Variants in MC1R observed in about 807,000 individuals in gnomAD.
MC1R encodes the protein melanocortin 1 receptor.
For missense variants in MC1R, 542 were observed against 430.0 expected (o/e 1.26, Z -2.30); for synonymous variants, 263 against 203.8 (o/e 1.29, Z -2.47).
At position 89,919,038 on chromosome 16, in the gene MC1R, C is replaced by CT; in HGVS notation, c.-221_-220insT. The CT allele has an allele frequency of 3.6e-6, 2 of 562,130 alleles. No homozygotes were observed. The highest frequency in any genetic ancestry group is 3.2e-6 in the Non-Finnish European group (1 of 316,312). The allele number at this position is 562,130 out of a possible 1,614,324, so 34.8% of individuals were successfully genotyped here. ...AATCCCTGAGCCCAGGCGGTAGATG[C>CT]CAGGAGGTGTCTGGACTGGCTGGGC... On this transcript the variant is annotated 5_prime_UTR_variant, in exon 1 of 1. It removes the in-frame stop codon of an upstream open reading frame in the 5' UTR. Transcript: ENST00000555147.
rs750618617 is a variant in MC1R at position 89,919,684 on chromosome 16, C to G, written c.426C>G (p.Arg142=). ...TCCTGGGCGCCATCGCCGTGGACCGCTACATCTCCATCTTCTACGCACTGC... is the reference window on the plus strand; with the variant it reads ...TCCTGGGCGCCATCGCCGTGGACCGGTACATCTCCATCTTCTACGCACTGC... ...LCFLGAIAVD[R]YISIFYALRY... Residue 142 remains arginine (R), a synonymous_variant, in exon 1 of 1, where the codon CGC becomes CGG. Coordinates refer to ENST00000555147, the MANE Select transcript of MC1R (RefSeq NM_002386.4). 23 of 1,606,246 alleles carry G rather than the reference C, an allele frequency of 1.4e-5. No individual in the cohort carries two copies. Among genetic ancestry groups the G allele is most frequent in the Non-Finnish European group, 1.9e-5 (22 of 1,179,570 alleles).
In MC1R at chr16:89,919,163, C is replaced by T. The variant is rs1389431104; in HGVS notation, c.-96C>T. 3.4e-6 allele frequency: 3 copies of T among 882,340 alleles called. No homozygotes were observed. Among genetic ancestry groups the T allele is most frequent in the African/African-American group, 3.4e-5 (2 of 58,876 alleles). 54.7% of individuals were successfully genotyped at this position (882,340 alleles called of 1,614,324 possible). On this transcript the variant is annotated 5_prime_UTR_variant, in exon 1 of 1. Transcript: ENST00000555147. ...AGGCATGGGGGACACCCAAGGCCCCCTGGCAGCACCATGAACTAAGCAGGA... is the reference window on the plus strand; with the variant it reads ...AGGCATGGGGGACACCCAAGGCCCCTTGGCAGCACCATGAACTAAGCAGGA...
Position 89,920,526 on chromosome 16 carries a change from C to T in MC1R, c.*314C>T. The T allele has an allele frequency of 8.0e-6, 5 of 626,730 alleles. No homozygotes were observed. The highest frequency in any genetic ancestry group is 7.9e-4 in the Middle Eastern group (2 of 2,538). The allele number at this position is 626,730 out of a possible 1,614,324, so 38.8% of individuals were successfully genotyped here. On this transcript the variant is annotated 3_prime_UTR_variant, in exon 1 of 1. Coordinates refer to ENST00000555147, the MANE Select transcript of MC1R (RefSeq NM_002386.4). The stretch of plus-strand genomic sequence containing the variant: ...CCTAAAGAGACATTTTCCGCCCACT[C>T]CTGGGACACTCCGTCTGCTCCAATG...
Position 89,919,847 on chromosome 16 carries a change from C to G in MC1R, c.589C>G (p.Leu197Val). 1 of 1,606,426 alleles carries G rather than the reference C, an allele frequency of 6.2e-7. No individual in the cohort carries two copies. ...AVLLCLVVFF[L>V]AMLVLMAVLY... ...CCTGCTGTGCCTCGTGGTCTTCTTCCTGGCTATGCTGGTGCTCATGGCCGT... is the reference window on the plus strand; with the variant it reads ...CCTGCTGTGCCTCGTGGTCTTCTTCGTGGCTATGCTGGTGCTCATGGCCGT... Residue 197 changes from leucine (L) to valine (V), a missense_variant, in exon 1 of 1, where the codon CTG becomes GTG. Coordinates refer to ENST00000555147, the MANE Select transcript of MC1R (RefSeq NM_002386.4).
In MC1R at chr16:89,919,945, C is replaced by T. The variant is rs372852841; in HGVS notation, c.687C>T (p.Arg229=). ...TCGCCCGGCTCCACAAGAGGCAGCGCCCGGTCCACCAGGGCTTTGGCCTTA... is the reference window on the plus strand; with the variant it reads ...TCGCCCGGCTCCACAAGAGGCAGCGTCCGGTCCACCAGGGCTTTGGCCTTA... The part of the protein sequence containing the change: ...QGIARLHKRQ[R]PVHQGFGLKG... Residue 229 remains arginine, a synonymous_variant, in exon 1 of 1, where the codon CGC becomes CGT. Transcript: ENST00000555147. 1.2e-5 allele frequency: 19 copies of T among 1,611,680 alleles called. No homozygotes were observed. In the Admixed American group the frequency reaches 3.2e-4, roughly 27 times the overall value.
Position 89,919,790 on chromosome 16 carries a change from CT to C in MC1R, c.533del (p.Leu178ProfsTer136), listed in dbSNP as rs2045699118. ...IWVASVVFST[L>X]FIAYYDHVAV... ...GGTGGCCAGTGTCGTCTTCAGCACG[CT>C]CTTCATCGCCTACTACGACCACGTG... On this transcript the variant is annotated frameshift_variant, in exon 1 of 1. Coordinates refer to ENST00000555147, the MANE Select transcript of MC1R (RefSeq NM_002386.4). LOFTEE classifies it low-confidence loss of function (END_TRUNC). 6.2e-7 allele frequency: 1 copy of C among 1,608,348 alleles called. No individual in the cohort carries two copies. Among genetic ancestry groups the C allele is most frequent in the South Asian group, 1.1e-5 (1 of 91,086 alleles).
rs751740657 is a variant in MC1R at position 89,919,787 on chromosome 16, A to G, written c.529A>G (p.Thr177Ala). Residue 177 changes from threonine to alanine, a missense_variant, in exon 1 of 1, where the codon ACG (threonine) becomes GCG (alanine). Coordinates refer to ENST00000555147, the MANE Select transcript of MC1R (RefSeq NM_002386.4). Reference protein sequence around the residue: ...AIWVASVVFSTLFIAYYDHVA... With the variant: ...AIWVASVVFSALFIAYYDHVA... The stretch of plus-strand genomic sequence containing the variant: ...CTGGGTGGCCAGTGTCGTCTTCAGC[A>G]CGCTCTTCATCGCCTACTACGACCA... 6.2e-7 allele frequency: 1 copy of G among 1,608,410 alleles called. No individual in the cohort carries two copies. The highest frequency in any genetic ancestry group is 8.5e-7 in the Non-Finnish European group (1 of 1,179,820).
rs35040147 is a variant in MC1R at position 89,919,755 on chromosome 16, C to A, written c.497C>A (p.Ala166Glu). Residue 166 changes from alanine (A) to glutamate (E), a missense_variant, in exon 1 of 1, where the codon GCG (alanine) becomes GAG (glutamate). Transcript: ENST00000555147. ...CTGCCGCGGGCGCGGCGAGCCGTTGCGGCCATCTGGGTGGCCAGTGTCGTC... is the reference window on the plus strand; with the variant it reads ...CTGCCGCGGGCGCGGCGAGCCGTTGAGGCCATCTGGGTGGCCAGTGTCGTC... Reference protein sequence around the residue: ...VTLPRARRAVAAIWVASVVFS... With the variant: ...VTLPRARRAVEAIWVASVVFS... 1.9e-6 allele frequency: 3 copies of A among 1,608,430 alleles called. No homozygotes were observed. The highest frequency in any genetic ancestry group is 2.5e-6 in the Non-Finnish European group (3 of 1,179,822).
Position 89,919,948 on chromosome 16 carries a change from G to A in MC1R, c.690G>A (p.Pro230=), listed in dbSNP as rs752526626. ...GIARLHKRQR[P]VHQGFGLKGA... is the part of the protein sequence containing the mutation. ...CCCGGCTCCACAAGAGGCAGCGCCC[G>A]GTCCACCAGGGCTTTGGCCTTAAAG... The change falls in exon 1 of 1, where the codon CCG becomes CCA. Residue 230 remains proline, a synonymous_variant. Coordinates refer to ENST00000555147, the MANE Select transcript of MC1R (RefSeq NM_002386.4). The A allele has an allele frequency of 4.5e-5, 73 of 1,611,660 alleles. No individual in the cohort carries two copies. The highest frequency in any genetic ancestry group is 5.9e-5 in the Non-Finnish European group (70 of 1,179,888).
rs776589029 is a variant in MC1R at position 89,920,497 on chromosome 16, G to T, written c.*285G>T. On this transcript the variant is annotated 3_prime_UTR_variant, in exon 1 of 1. Coordinates refer to ENST00000555147, the MANE Select transcript of MC1R (RefSeq NM_002386.4). ...CTCCGGGCACCAGGGGCCAACCTCAGGCTCCTAAAGAGACATTTTCCGCCC... is the reference window on the plus strand; with the variant it reads ...CTCCGGGCACCAGGGGCCAACCTCATGCTCCTAAAGAGACATTTTCCGCCC... 3.2e-5 allele frequency: 20 copies of T among 616,942 alleles called. No individual in the cohort carries two copies. The highest frequency in any genetic ancestry group is 5.6e-5 in the Non-Finnish European group (19 of 339,042). The allele number at this position is 616,942 out of a possible 1,614,324, so 38.2% of individuals were successfully genotyped here. A position where few individuals can be genotyped will look rare whatever the true frequency, so the allele number is the denominator to read the frequency against.
chr16:89,920,050 C>A lies in MC1R; in HGVS notation c.792C>A (p.Ile264=). Residue 264 remains isoleucine (I), a synonymous_variant, in exon 1 of 1, where the codon ATC becomes ATA. Coordinates refer to ENST00000555147, the MANE Select transcript of MC1R (RefSeq NM_002386.4). ...CCTTCTTCCTGCATCTCACACTCAT[C>A]GTCCTCTGCCCCGAGCACCCCACGT... ...WGPFFLHLTL[I]VLCPEHPTCG... The A allele has an allele frequency of 6.2e-7, 1 of 1,613,830 alleles. No homozygotes were observed. Among genetic ancestry groups the A allele is most frequent in the Non-Finnish European group, 8.5e-7 (1 of 1,179,894 alleles).
In MC1R at chr16:89,920,417, T is replaced by TC; in HGVS notation, c.*206dup. ...CCTGCAAAACTCCAGGCAGGACTTCTCACCAGCAGTCGTGGGGAACGGAGG... is the reference window on the plus strand; with the variant it reads ...CCTGCAAAACTCCAGGCAGGACTTCTCCACCAGCAGTCGTGGGGAACGGAGG... On this transcript the variant is annotated 3_prime_UTR_variant, in exon 1 of 1. Transcript: ENST00000555147. The TC allele has an allele frequency of 3.2e-6, 2 of 622,302 alleles. No homozygotes were observed. Among genetic ancestry groups the TC allele is most frequent in the East Asian group, 5.5e-5 (2 of 36,508 alleles). The allele number at this position is 622,302 out of a possible 1,614,324, so 38.5% of individuals were successfully genotyped here.
Position 89,920,205 on chromosome 16 carries a change from C to T in MC1R, c.947C>T (p.Ser316Phe). ...RRTLKEVLTC[S>F]W ...ACGCTCAAGGAGGTGCTGACATGCTCCTGGTGAGCGCGGTGCACGCGGCTT... is the reference window on the plus strand; with the variant it reads ...ACGCTCAAGGAGGTGCTGACATGCTTCTGGTGAGCGCGGTGCACGCGGCTT... Residue 316 changes from serine to phenylalanine, a missense_variant, in exon 1 of 1, where the codon TCC (serine) becomes TTC (phenylalanine). Ser to Phe is a radical substitution (Grantham distance 155, BLOSUM62 -2). Coordinates refer to ENST00000555147, the MANE Select transcript of MC1R (RefSeq NM_002386.4). 6.2e-7 allele frequency: 1 copy of T among 1,613,242 alleles called. No homozygotes were observed.
rs2045707252 is a variant in MC1R at position 89,920,160 on chromosome 16, A to G, written c.902A>G (p.His301Arg). Residue 301 changes from histidine (H) to arginine (R), a missense_variant, in exon 1 of 1, where the codon CAC (histidine) becomes CGC (arginine). His to Arg is a conservative substitution (Grantham distance 29, BLOSUM62 0). Coordinates refer to ENST00000555147, the MANE Select transcript of MC1R (RefSeq NM_002386.4). Reference sequence around the variant, plus strand: ...ATCGACCCCCTCATCTACGCCTTCCACAGCCAGGAGCTCCGCAGGACGCTC... The same window carrying G: ...ATCGACCCCCTCATCTACGCCTTCCGCAGCCAGGAGCTCCGCAGGACGCTC... The part of the protein sequence containing the change: ...AIIDPLIYAF[H>R]SQELRRTLKE... The G allele has an allele frequency of 6.2e-7, 1 of 1,613,950 alleles. No homozygotes were observed. The highest frequency in any genetic ancestry group is 8.5e-7 in the Non-Finnish European group (1 of 1,179,864).
chr16:89,920,051 G>A lies in MC1R; in HGVS notation c.793G>A (p.Val265Ile), dbSNP rs587783376. The change falls in exon 1 of 1, where the codon GTC becomes ATC. Residue 265 changes from valine to isoleucine, a missense_variant. By Grantham distance (29) the Val-to-Ile change is conservative (BLOSUM62 3). Transcript: ENST00000555147. ...GPFFLHLTLI[V>I]LCPEHPTCGC... is the part of the protein sequence containing the mutation. ...CTTCTTCCTGCATCTCACACTCATC[G>A]TCCTCTGCCCCGAGCACCCCACGTG... 85 of 1,613,686 alleles carry A rather than the reference G, an allele frequency of 5.3e-5. No individual in the cohort carries two copies. Among genetic ancestry groups the A allele is most frequent in the African/African-American group, 8.0e-5 (6 of 74,924 alleles).
At position 89,920,142 on chromosome 16, in the gene MC1R, C is replaced by T; in HGVS notation, c.884C>T (p.Pro295Leu). The change falls in exon 1 of 1, where the codon CCC becomes CTC. Residue 295 changes from proline to leucine, a missense_variant. Physicochemically the swap from Pro to Leu is moderately conservative, Grantham distance 98. Coordinates refer to ENST00000555147, the MANE Select transcript of MC1R (RefSeq NM_002386.4). Reference protein sequence around the residue: ...ALIICNAIIDPLIYAFHSQEL... With the variant: ...ALIICNAIIDLLIYAFHSQEL... ...ATCATCTGCAATGCCATCATCGACC[C>T]CCTCATCTACGCCTTCCACAGCCAG... The T allele has an allele frequency of 6.2e-7, 1 of 1,613,996 alleles. No homozygotes were observed. The highest frequency in any genetic ancestry group is 1.1e-5 in the South Asian group (1 of 91,086).
Position 89,920,131 on chromosome 16 carries a change from C to T in MC1R, c.873C>T (p.Ala291=), listed in dbSNP as rs754442823. 6 of 1,613,830 alleles carry T rather than the reference C, an allele frequency of 3.7e-6. No individual in the cohort carries two copies. The highest frequency in any genetic ancestry group is 1.3e-5 in the African/African-American group (1 of 74,908). ...TTCTCGCCCTCATCATCTGCAATGC[C>T]ATCATCGACCCCCTCATCTACGCCT... is the stretch of plus-strand genomic sequence containing the variant. The part of the protein sequence containing the change: ...NLFLALIICN[A]IIDPLIYAFH... The change falls in exon 1 of 1, where the codon GCC becomes GCT. Residue 291 remains alanine (A), a synonymous_variant. Coordinates refer to ENST00000555147, the MANE Select transcript of MC1R (RefSeq NM_002386.4).
chr16:89,920,421 C>T lies in MC1R; in HGVS notation c.*209C>T. 1 of 621,938 alleles carries T rather than the reference C, an allele frequency of 1.6e-6. No homozygotes were observed. The highest frequency in any genetic ancestry group is 2.9e-6 in the Non-Finnish European group (1 of 343,466). 38.5% of individuals were successfully genotyped at this position (621,938 alleles called of 1,614,324 possible). The stretch of plus-strand genomic sequence containing the variant: ...CAAAACTCCAGGCAGGACTTCTCAC[C>T]AGCAGTCGTGGGGAACGGAGGAGGA... On this transcript the variant is annotated 3_prime_UTR_variant, in exon 1 of 1. Transcript: ENST00000555147.
Position 89,919,766 on chromosome 16 carries a change from G to A in MC1R, c.508G>A (p.Val170Met), listed in dbSNP as rs770551931. The change falls in exon 1 of 1, where the codon GTG (valine) becomes ATG (methionine). Residue 170 changes from valine to methionine, a missense_variant. Val to Met is a conservative substitution (Grantham distance 21). Coordinates refer to ENST00000555147, the MANE Select transcript of MC1R (RefSeq NM_002386.4). ...RARRAVAAIW[V>M]ASVVFSTLFI... Reference sequence around the variant, plus strand: ...GCGGCGAGCCGTTGCGGCCATCTGGGTGGCCAGTGTCGTCTTCAGCACGCT... The same window carrying A: ...GCGGCGAGCCGTTGCGGCCATCTGGATGGCCAGTGTCGTCTTCAGCACGCT... 9 of 1,608,604 alleles carry A rather than the reference G, an allele frequency of 5.6e-6. No homozygotes were observed. The Admixed American group carries it at 1.3e-4, about 24-fold the overall frequency.
Sources: allele counts gnomAD v4.1 joint callset, GRCh38; gene constraint gnomAD v4.1.1; transcripts MANE v1.5; gene names NCBI Gene and HGNC (gene_info 2026-07-23, HGNC 2026-07-21).